STK38L: variants seen among roughly 807,000 people sequenced by gnomAD.
STK38L encodes the protein serine/threonine-protein kinase 38-like.
A neutral mutation model predicts 59.7 loss-of-function variants in STK38L; 28 were observed. That is an observed-to-expected ratio of 0.47 (90% CI 0.35 to 0.64). The LOEUF is 0.64. STK38L is among the 30% of genes least tolerant of loss of function. The pLI is 0.01. For synonymous variants in STK38L, 162 were observed against 176.8 expected (o/e 0.92, Z 0.66); for missense variants, 314 against 555.8 (o/e 0.56, Z 4.37).
At chr12:27,254,908 C>T (rs868589205) in intron 1 of STK38L, among the ~76,000 whole-genome samples, 1 of 152,172 alleles carries the variant, frequency 6.6e-6, no homozygotes, top group Non-Finnish European at 1.5e-5. Flanking sequence ...TTAAGTTGAA[C>T]TCCCAGCAGT....
Position 27,322,143 on chromosome 12 carries a change from G to A in STK38L, c.1176G>A (p.Arg392=), listed in dbSNP as rs767707296. 12 of 1,611,520 alleles carry A rather than the reference G, an allele frequency of 7.4e-6. No homozygotes were observed. In the Admixed American group the frequency reaches 1.7e-4, roughly 23 times the overall value. ...FFEGVDWEHI[R]ERPAAIPIEI... ...ATGCATACTTAATACCTTTTTATAG[G>A]GAAAGGCCAGCAGCAATCCCTATAG... The change falls in exon 13 of 14, where the codon AGG becomes AGA. Residue 392 remains arginine, a splice_region_variant and synonymous_variant. Transcript: ENST00000389032.
intron 1 of STK38L, among the ~76,000 whole-genome samples, chr12:27,263,242 T>G (rs964788960): frequency 2.0e-5 from 3 of 152,216 alleles, no homozygotes. Flanking sequence ...AAATATTTCT[T>G]ATCAGTTGGC....
Position 27,317,356 on chromosome 12 carries a change from A to C in STK38L, c.858A>C (p.Thr286=). 1 of 1,611,010 alleles carries C rather than the reference A, an allele frequency of 6.2e-7. No individual in the cohort carries two copies. The highest frequency in any genetic ancestry group is 8.5e-7 in the Non-Finnish European group (1 of 1,179,292). ...RRQLAYSTVG[T]PDYIAPEVFM... is the part of the protein sequence containing the mutation. Reference sequence around the variant, plus strand: ...TGTAGGCATATTCCACAGTTGGGACACCAGATTACATTGCTCCAGAAGTAT... The same window carrying C: ...TGTAGGCATATTCCACAGTTGGGACCCCAGATTACATTGCTCCAGAAGTAT... Residue 286 remains threonine, a synonymous_variant, in exon 10 of 14, where the codon ACA becomes ACC. Coordinates refer to ENST00000389032, the MANE Select transcript of STK38L (RefSeq NM_015000.4).
At chr12:27,270,972 A>T (rs1943411063) in intron 1 of STK38L, among the ~76,000 whole-genome samples, 1 of 152,262 alleles carries the variant, frequency 6.6e-6, no homozygotes, top group Admixed American at 6.5e-5. Flanking sequence ...GACAAAAGGG[A>T]CATGTTAACA....
At chr12:27,305,386 C>A (rs1436131873) in intron 3 of STK38L, among the ~76,000 whole-genome samples, 1 of 151,794 alleles carries the variant, frequency 6.6e-6, no homozygotes, top group African/African-American at 2.4e-5. Context: ...GTCAGTGGCC[C>A]ATAATACCAG....
chr12:27,269,653 T>A (rs1943376752), intron 1 of STK38L, among the ~76,000 whole-genome samples: 1 of 152,212 alleles, frequency 6.6e-6, no homozygotes, highest in Admixed American at 6.5e-5. Context: ...CTATCTTTTT[T>A]TATTTTTGAA....
At chr12:27,297,601 C>T (rs1944055983) in intron 1 of STK38L, 109 bp from the exon 2 acceptor site, 1 of 1,135,200 alleles carries the variant, frequency 8.8e-7, no homozygotes, top group African/African-American at 1.6e-5. Flanking sequence ...GATGTGTTAA[C>T]TGTTAGGGTC....
chr12:27,287,433 T>C (rs1943798165), intron 1 of STK38L, among the ~76,000 whole-genome samples: 1 of 152,156 alleles, frequency 6.6e-6, no homozygotes, highest in Non-Finnish European at 1.5e-5. Context: ...ATGGACATTG[T>C]TATTTTACAG....
intron 1 of STK38L, among the ~76,000 whole-genome samples, chr12:27,245,106 C>T (rs1427145284): frequency 6.6e-6 from 1 of 152,026 alleles, no homozygotes; most frequent in Non-Finnish European, 1.5e-5. Flanking sequence ...ACTGGTGCTG[C>T]TTTTGTTTTG....
At chr12:27,285,522 G>A (rs1943752937) in intron 1 of STK38L, among the ~76,000 whole-genome samples, 1 of 152,120 alleles carries the variant, frequency 6.6e-6, no homozygotes. Flanking sequence ...AAAATGAAAA[G>A]CAAGTGTTCA....
chr12:27,314,487 G>T lies in STK38L; in HGVS notation c.518-17G>T. The T allele has an allele frequency of 6.7e-7, 1 of 1,494,026 alleles. No individual in the cohort carries two copies. The highest frequency in any genetic ancestry group is 1.4e-5 in the South Asian group (1 of 72,862). 92.5% of individuals were successfully genotyped at this position (1,494,026 alleles called of 1,614,324 possible). A position where few individuals can be genotyped will look rare whatever the true frequency, so the allele number is the denominator to read the frequency against. The stretch of plus-strand genomic sequence containing the variant: ...AGGCATTTTCAATAATAATATATTT[G>T]ACTATCCTTTATTTAGGTGACATGA... On this transcript the variant is annotated splice_polypyrimidine_tract_variant and intron_variant, in intron 6 of 13. Transcript: ENST00000389032.
At chr12:27,254,286 G>C (rs552492092) in intron 1 of STK38L, among the ~76,000 whole-genome samples, 1 of 152,192 alleles carries the variant, frequency 6.6e-6, no homozygotes, top group South Asian at 2.1e-4. Context: ...TTTTATTCTA[G>C]TTCTAGCCTT....
intron 1 of STK38L, among the ~76,000 whole-genome samples, chr12:27,258,945 A>G (rs1378320954): frequency 8.1e-6 from 1 of 123,966 alleles, no homozygotes; most frequent in Non-Finnish European, 1.7e-5. Context: ...TTGGTTATGT[A>G]TATGTGTTAC....
intron 3 of STK38L, chr12:27,302,507 C>A: frequency 5.4e-6 from 1 of 186,040 alleles, no homozygotes; most frequent in Non-Finnish European, 1.1e-5. Flanking sequence ...TTAAAGCTAT[C>A]TATTTCTCTA....
chr12:27,257,864 CTTT>C (rs112918365), intron 1 of STK38L, among the ~76,000 whole-genome samples: 9 of 140,610 alleles, frequency 6.4e-5, no homozygotes, highest in Non-Finnish European at 9.3e-5. Context: ...TTATGTCAAG[CTTT>C]TTTTTTTTTT....
intron 5 of STK38L, among the ~76,000 whole-genome samples, chr12:27,310,192 G>T (rs1944422506): frequency 6.6e-6 from 1 of 152,124 alleles, no homozygotes; most frequent in Non-Finnish European, 1.5e-5. Context: ...GGTTATAGGG[G>T]ATTTTGTTGA....
chr12:27,278,808 G>T (rs1943591333), intron 1 of STK38L, among the ~76,000 whole-genome samples: 1 of 152,198 alleles, frequency 6.6e-6, no homozygotes, highest in African/African-American at 2.4e-5. Flanking sequence ...AGTAGCTAAA[G>T]TCAGCCCTGA....
intron 1 of STK38L, among the ~76,000 whole-genome samples, chr12:27,277,208 C>T (rs1027405606): frequency 1.3e-5 from 2 of 151,448 alleles, no homozygotes; most frequent in Non-Finnish European, 1.5e-5. Flanking sequence ...CGCTTTGTTC[C>T]TCGATTTAAT....
chr12:27,272,386 CA>C (rs1943442005), intron 1 of STK38L, among the ~76,000 whole-genome samples: 1 of 152,162 alleles, frequency 6.6e-6, no homozygotes, highest in Admixed American at 6.5e-5. Flanking sequence ...TATATTAGTG[CA>C]AAAGTTTAAG....
Sources: allele counts gnomAD v4.1 joint callset (sites outside exome capture counted in the v4.1 genomes callset), GRCh38; gene constraint gnomAD v4.1.1; transcripts MANE v1.5; gene names NCBI Gene and HGNC (gene_info 2026-07-23, HGNC 2026-07-21).